The following NIPBL variants were observed in gnomAD, a reference collection of about 807,000 sequenced individuals.
The protein encoded by NIPBL is NIPBL cohesin loading factor, also known as nipped-B-like protein.
Under a neutral mutation model 321.8 loss-of-function variants are expected in NIPBL, and 19 were observed. That is an observed-to-expected ratio of 0.06 (90% confidence interval 0.04 to 0.09). NIPBL has a LOEUF of 0.09. NIPBL is among the 10% of genes least tolerant of loss of function. The probability of loss-of-function intolerance (pLI) is 1.00; values close to 1 mark genes in which losing one functional copy is unlikely to be tolerated. For synonymous variants in NIPBL, 1,106 were observed against 1,114.1 expected (o/e 0.99, Z 0.14); for missense variants, 2,210 against 3,327.0 (o/e 0.66, Z 8.26).
chr5:36,941,367 A>G (rs1580285915), intron 1 of NIPBL, among the ~76,000 whole-genome samples: 1 of 152,078 alleles, frequency 6.6e-6, no homozygotes, highest in African/African-American at 2.4e-5. Context: ...CTTAAACAAC[A>G]ATAAAAGTCT....
At chr5:36,885,655 T>C in intron 1 of NIPBL, 2 of 553,686 alleles carry the variant, frequency 3.6e-6, no homozygotes, top group Non-Finnish European at 3.5e-6. Flanking sequence ...CCTGCATTGT[T>C]CTGCAGATTG....
At chr5:36,886,422 A>G (rs1745910371) in intron 1 of NIPBL, 1 of 738,944 alleles carries the variant, frequency 1.4e-6, no homozygotes, top group Non-Finnish European at 2.5e-6. Context: ...AAACTATCCA[A>G]AAGACCACCA....
chr5:37,014,017 C>G (rs1327288298), intron 21 of NIPBL, among the ~76,000 whole-genome samples: 2 of 152,210 alleles, frequency 1.3e-5, no homozygotes, highest in East Asian at 3.9e-4. Context: ...ACCAGCCCAG[C>G]CAACACAGCG....
At chr5:37,050,403 C>G (rs1753409553) in intron 40 of NIPBL, among the ~76,000 whole-genome samples, 1 of 151,380 alleles carries the variant, frequency 6.6e-6, no homozygotes, top group Non-Finnish European at 1.5e-5. Context: ...AGCAGAGAAC[C>G]CAGGAAGCAG....
At chr5:36,990,738 A>G (rs1328804237) in intron 10 of NIPBL, among the ~76,000 whole-genome samples, 2 of 152,172 alleles carry the variant, frequency 1.3e-5, no homozygotes, top group African/African-American at 2.4e-5. Context: ...TAGATTGTTC[A>G]TACAAATATT....
At chr5:36,948,234 A>C (rs1739901882) in intron 1 of NIPBL, among the ~76,000 whole-genome samples, 1 of 151,972 alleles carries the variant, frequency 6.6e-6, no homozygotes, top group African/African-American at 2.4e-5. Flanking sequence ...TGACACAGTA[A>C]CATAAGATAA....
At chr5:36,984,570 C>A (rs1744523629) in intron 9 of NIPBL, 106 bp from the exon 10 acceptor site, 1 of 999,240 alleles carries the variant, frequency 1.0e-6, no homozygotes, top group Non-Finnish European at 1.5e-6. Flanking sequence ...CATTTTACTC[C>A]ATTTTAAAAA....
Position 36,948,192 on chromosome 5 carries a change from T to C in NIPBL, c.-79-5426T>C, listed in dbSNP as rs922042804. ...AGAGGATGTTCCATCTTGTTAACCA[T>C]TGTACTTTGCTTGCCTAGCATACAT... On this transcript the variant is annotated intron_variant, in intron 1 of 46. Coordinates refer to ENST00000282516, the MANE Select transcript of NIPBL (RefSeq NM_133433.4). 2.0e-5 allele frequency among the ~76,000 whole-genome samples: 3 copies of C among 151,916 alleles called. 1 individual carries two copies. The highest frequency in any genetic ancestry group is 2.9e-5 in the Non-Finnish European group (2 of 67,854).
intron 1 of NIPBL, among the ~76,000 whole-genome samples, chr5:36,892,243 A>T (rs1746387287): frequency 6.6e-6 from 1 of 152,208 alleles, no homozygotes; most frequent in Admixed American, 6.5e-5. Context: ...ATAAGATACC[A>T]TCTCACACCA....
chr5:36,978,352 A>T (rs527761763), intron 9 of NIPBL, among the ~76,000 whole-genome samples: 1 of 152,024 alleles, frequency 6.6e-6, no homozygotes, highest in South Asian at 2.1e-4. Context: ...GATTAATGAT[A>T]TTGAGCATTT....
chr5:36,938,175 G>A (rs1378671997), intron 1 of NIPBL, among the ~76,000 whole-genome samples: 1 of 152,156 alleles, frequency 6.6e-6, no homozygotes, highest in Non-Finnish European at 1.5e-5. Flanking sequence ...GTACTTTTGT[G>A]CCTCTATTGT....
At chr5:36,959,838 A>G (rs1297833844) in intron 4 of NIPBL, among the ~76,000 whole-genome samples, 1 of 151,688 alleles carries the variant, frequency 6.6e-6, no homozygotes, top group Non-Finnish European at 1.5e-5. Context: ...ATTTCTGTAT[A>G]CCCTACTTTG....
intron 5 of NIPBL, among the ~76,000 whole-genome samples, 188 bp from the exon 6 acceptor site, chr5:36,961,935 G>GT (rs1474629398): frequency 4.6e-5 from 7 of 152,066 alleles, no homozygotes; most frequent in Non-Finnish European, 1.0e-4. Context: ...CTTTTTTATT[G>GT]TAACTCTTTG....
intron 44 of NIPBL, 152 bp downstream of exon 44, chr5:37,059,317 G>A (rs1160159248): frequency 1.3e-6 from 1 of 748,964 alleles, no homozygotes; most frequent in Non-Finnish European, 2.2e-6. Flanking sequence ...GACCAGCCTG[G>A]CCAACATGGT....
In NIPBL at chr5:37,030,556, A is replaced by G. The variant is rs534186882; in HGVS notation, c.5862+3144A>G. 3.3e-3 allele frequency among the ~76,000 whole-genome samples: 509 copies of G among 152,314 alleles called. 2 individuals are homozygous for G. The highest frequency in any genetic ancestry group is 0.012 in the African/African-American group (489 of 41,566). On this transcript the variant is annotated intron_variant, in intron 32 of 46. Coordinates refer to ENST00000282516, the MANE Select transcript of NIPBL (RefSeq NM_133433.4). ...ACATGAGCACATATGCATGCATTGCATTCAGTCCAATTTCAGATATTTCTA... is the reference window on the plus strand; with the variant it reads ...ACATGAGCACATATGCATGCATTGCGTTCAGTCCAATTTCAGATATTTCTA...
chr5:36,953,509 G>A (rs1196949864), intron 1 of NIPBL, 109 bp from the exon 2 acceptor site: 6 of 618,084 alleles, frequency 9.7e-6, no homozygotes, highest in Non-Finnish European at 1.7e-5. Context: ...TTATTATATA[G>A]GTTGAACAAA....
At chr5:36,921,316 G>T (rs895241319) in intron 1 of NIPBL, among the ~76,000 whole-genome samples, 9 of 152,008 alleles carry the variant, frequency 5.9e-5, no homozygotes, top group Non-Finnish European at 1.2e-4. Context: ...CTTAAAACTA[G>T]TAAAATTATC....
intron 1 of NIPBL, among the ~76,000 whole-genome samples, chr5:36,904,355 AC>A (rs937897177): frequency 1.3e-5 from 2 of 152,090 alleles, no homozygotes; most frequent in African/African-American, 4.8e-5. Flanking sequence ...CTGTAATCCC[AC>A]TACTTGGGAG....
chr5:36,939,931 A>G (rs1738877232), intron 1 of NIPBL, among the ~76,000 whole-genome samples: 1 of 152,202 alleles, frequency 6.6e-6, no homozygotes. Flanking sequence ...TAAGTTTCCA[A>G]CAAATGAACT....
Sources: gnomAD v4.1 joint callset for allele counts (sites outside exome capture counted in the v4.1 genomes callset) on GRCh38, gnomAD v4.1.1 for gene constraint, MANE v1.5 for transcripts, NCBI Gene and HGNC (gene_info 2026-07-23, HGNC 2026-07-21) for gene names.